The following MACROD2 variants were observed in gnomAD, a reference collection of about 807,000 sequenced individuals.
MACROD2 encodes ADP-ribose glycohydrolase MACROD2.
A neutral mutation model predicts 70.4 loss-of-function variants in MACROD2; 36 were observed. The observed-to-expected ratio is 0.51, with a 90% CI of 0.39 to 0.68. The LOEUF (loss-of-function observed/expected upper bound fraction) is 0.68. MACROD2 is among the 30% of genes least tolerant of loss of function. MACROD2 has a pLI of 0.00. For synonymous variants in MACROD2, 172 were observed against 178.8 expected (o/e 0.96, Z 0.30); for missense variants, 496 against 538.4 (o/e 0.92, Z 0.78).
chr20:14,593,228 A>G (rs1481713799), intron 4 of MACROD2, among the ~76,000 whole-genome samples: 6 of 152,178 alleles, frequency 3.9e-5, no homozygotes, highest in African/African-American at 1.4e-4. Context: ...TTCTTATTCG[A>G]TTAGAGGAAA....
chr20:15,228,660 T>A (rs941600606), intron 5 of MACROD2, among the ~76,000 whole-genome samples: 1 of 151,810 alleles, frequency 6.6e-6, no homozygotes, highest in African/African-American at 2.4e-5. Flanking sequence ...TGGCTAATTT[T>A]TGTATTTTTA....
intron 5 of MACROD2, among the ~76,000 whole-genome samples, chr20:15,192,040 A>G (rs1160821494): frequency 1.3e-5 from 2 of 151,358 alleles, no homozygotes; most frequent in African/African-American, 2.4e-5. Flanking sequence ...CTATCTATCT[A>G]TCTATCTATC....
intron 8 of MACROD2, among the ~76,000 whole-genome samples, chr20:15,720,700 A>G (rs996165077): frequency 1.3e-5 from 2 of 152,180 alleles, no homozygotes; most frequent in Admixed American, 6.5e-5. Context: ...ATGAGTCTCC[A>G]CTGAGAGGCT....
chr20:14,898,516 C>A (rs1457927611), intron 5 of MACROD2, among the ~76,000 whole-genome samples: 1 of 152,088 alleles, frequency 6.6e-6, no homozygotes, highest in East Asian at 1.9e-4. Context: ...ATCACGAGGC[C>A]AGGAGTTCGA....
chr20:15,040,905 T>C (rs1341346510), intron 5 of MACROD2, among the ~76,000 whole-genome samples: 1 of 152,224 alleles, frequency 6.6e-6, no homozygotes, highest in Non-Finnish European at 1.5e-5. Context: ...TATGGCCTTT[T>C]CTCAACTCCT....
chr20:14,739,975 A>T (rs1177270307), intron 5 of MACROD2, among the ~76,000 whole-genome samples: 2 of 152,068 alleles, frequency 1.3e-5, no homozygotes, highest in East Asian at 3.9e-4. Flanking sequence ...AAAATTTTCA[A>T]AGCATGCATA....
intron 4 of MACROD2, among the ~76,000 whole-genome samples, chr20:14,515,471 A>ACACGCGCGCGCG (rs1555798359): frequency 1.7e-4 from 17 of 99,872 alleles, no homozygotes; most frequent in African/African-American, 6.0e-4. Context: ...ACACGCACAC[A>ACACGCGCGCGCG]CACACACACA....
At chr20:14,573,063 T>TC (rs1980318574) in intron 4 of MACROD2, among the ~76,000 whole-genome samples, 1 of 151,606 alleles carries the variant, frequency 6.6e-6, no homozygotes, top group Non-Finnish European at 1.5e-5. Context: ...AGCCTTTTTT[T>TC]TCCCTTTTGC....
intron 2 of MACROD2, chr20:14,003,505 C>G: frequency 7.5e-6 from 2 of 267,308 alleles, no homozygotes; most frequent in South Asian, 4.3e-5. Flanking sequence ...CCTGTCTGCC[C>G]AGTGTCTTCT....
intron 4 of MACROD2, among the ~76,000 whole-genome samples, chr20:14,575,114 T>G (rs1377043100): frequency 6.6e-6 from 1 of 151,874 alleles, no homozygotes; most frequent in Non-Finnish European, 1.5e-5. Context: ...AAGAGTTTTG[T>G]TTATTGTATT....
rs2071186935 is a variant in MACROD2 at position 14,700,696 on chromosome 20, CAGT to C, written c.418+15742_418+15744del. On this transcript the variant is annotated intron_variant, in intron 5 of 17. Transcript: ENST00000684519. Reference sequence around the variant, plus strand: ...TTAAACAGGGGAACTAAATTGCTTACAGTAGTAAAATGCATTTCCCTCTGTGAA... The same window carrying C: ...TTAAACAGGGGAACTAAATTGCTTACAGTAAAATGCATTTCCCTCTGTGAA... Among the ~76,000 whole-genome samples the C allele has an allele frequency of 3.3e-5, 5 of 152,234 alleles. No individual in the cohort carries two copies. In the South Asian group the frequency reaches 1.0e-3, roughly 32 times the overall value.
chr20:14,493,451 G>A, intron 3 of MACROD2, 28 bp from the exon 4 acceptor site: 1 of 1,592,666 alleles, frequency 6.3e-7, no homozygotes, highest in East Asian at 2.3e-5. Context: ...ATTATTTAAT[G>A]TCTTTTGTTG....
chr20:15,114,903 C>T (rs1228619498), intron 5 of MACROD2, among the ~76,000 whole-genome samples: 2 of 152,168 alleles, frequency 1.3e-5, no homozygotes, highest in Non-Finnish European at 2.9e-5. Context: ...AGATCTTTCT[C>T]TCCAGGAATC....
rs375118549 is a variant in MACROD2 at position 15,027,396 on chromosome 20, C to T, written c.419-202544C>T. ...TGTCCTAAGTCTGTGAAACAGCTAC[C>T]ATGTTTCAATCACTGTGGCGATATG... On this transcript the variant is annotated intron_variant, in intron 5 of 17. Coordinates refer to ENST00000684519, the MANE Select transcript of MACROD2 (RefSeq NM_001351661.2). 3.9e-5 allele frequency among the ~76,000 whole-genome samples: 6 copies of T among 152,146 alleles called. No individual in the cohort carries two copies. The East Asian group carries it at 9.7e-4, about 25-fold the overall frequency.
chr20:15,195,576 A>G (rs1244605516), intron 5 of MACROD2, among the ~76,000 whole-genome samples: 1 of 152,224 alleles, frequency 6.6e-6, no homozygotes, highest in East Asian at 1.9e-4. Context: ...AAAAGTCAAA[A>G]AACAACAGAT....
At chr20:14,587,486 A>G (rs948243220) in intron 4 of MACROD2, among the ~76,000 whole-genome samples, 1 of 151,850 alleles carries the variant, frequency 6.6e-6, no homozygotes, top group Non-Finnish European at 1.5e-5. Flanking sequence ...AGACATAAAT[A>G]AAAATGCTTT....
At chr20:14,524,688 G>A (rs1653165909) in intron 4 of MACROD2, among the ~76,000 whole-genome samples, 1 of 152,082 alleles carries the variant, frequency 6.6e-6, no homozygotes, top group Admixed American at 6.6e-5. Flanking sequence ...CCCTTGAGAT[G>A]CCACTAAGAG....
intron 6 of MACROD2, among the ~76,000 whole-genome samples, chr20:15,428,316 A>G (rs551415081): frequency 6.6e-6 from 1 of 152,322 alleles, no homozygotes; most frequent in East Asian, 1.9e-4. Context: ...ACATTTTGCT[A>G]TCTTCTGGCT....
intron 5 of MACROD2, chr20:14,757,778 G>A (rs569308671): frequency 2.0e-6 from 3 of 1,533,996 alleles, no homozygotes; most frequent in Admixed American, 1.7e-5. Context: ...CCTTCCCAAT[G>A]AGGGTATCCA....
Sources: gnomAD v4.1 joint callset for allele counts (sites outside exome capture counted in the v4.1 genomes callset) on GRCh38, gnomAD v4.1.1 for gene constraint, MANE v1.5 for transcripts, NCBI Gene and HGNC (gene_info 2026-07-23, HGNC 2026-07-21) for gene names.